The following ASB5 variants were observed in gnomAD, a reference collection of about 807,000 sequenced individuals.
ASB5 encodes the protein ankyrin repeat and SOCS box protein 5.
In ASB5, 45 loss-of-function variants were observed where a neutral mutation model predicts 42.1. The observed-to-expected ratio is 1.07, with a 90% CI of 0.84 to 1.37. The LOEUF (loss-of-function observed/expected upper bound fraction) is 1.37. Among genes scored for constraint, ASB5 ranks in the 40% most tolerant of loss-of-function variants. The pLI is 0.00. For missense variants in ASB5, 402 were observed against 399.8 expected, an observed-to-expected ratio of 1.01 and a Z score of -0.05; for synonymous variants, 147 against 150.6, an observed-to-expected ratio of 0.98 and a Z score of 0.18.
intron 1 of ASB5, among the ~76,000 whole-genome samples, chr4:176,267,489 T>C (rs867830457): frequency 5.9e-5 from 9 of 151,906 alleles, no homozygotes; most frequent in Non-Finnish European, 1.0e-4. Context: ...CCAGGCATGG[T>C]TGTGTGTCCT....
intron 1 of ASB5, among the ~76,000 whole-genome samples, chr4:176,249,262 T>C (rs906577698): frequency 2.6e-5 from 4 of 152,210 alleles, no homozygotes; most frequent in Admixed American, 2.6e-4. Context: ...CCACCGCATC[T>C]GCCCTATACA....
At chr4:176,237,664 C>G in intron 1 of ASB5, 1 of 786,766 alleles carries the variant, frequency 1.3e-6, no homozygotes. Context: ...ATTTTTAAAG[C>G]AGAGACATGC....
chr4:176,254,816 T>A lies in ASB5; in HGVS notation c.196+14097A>T, dbSNP rs555119491. Reference sequence around the variant, plus strand: ...ATGAAAAAATGCTCTACATCACTAATCACTGGAGAAATGCAAATCAAAACC... The same window carrying A: ...ATGAAAAAATGCTCTACATCACTAAACACTGGAGAAATGCAAATCAAAACC... On this transcript the variant is annotated intron_variant, in intron 1 of 6. Transcript: ENST00000296525. Among the ~76,000 whole-genome samples the A allele has an allele frequency of 3.3e-5, 5 of 152,216 alleles. No homozygotes were observed. The South Asian group carries it at 6.2e-4, about 19-fold the overall frequency.
intron 1 of ASB5, among the ~76,000 whole-genome samples, chr4:176,240,865 T>C (rs1753796538): frequency 6.6e-6 from 1 of 152,188 alleles, no homozygotes; most frequent in African/African-American, 2.4e-5. Context: ...TAATTGTTCC[T>C]CCATTGTCAG....
At chr4:176,271,913 C>T (rs878950974), upstream of ASB5, among the ~76,000 whole-genome samples, 5 of 152,004 alleles carry the variant, frequency 3.3e-5, no homozygotes, top group Admixed American at 1.3e-4. Context: ...TGAGCAAATA[C>T]GACTCATACA....
rs532636061 is a variant in ASB5, at chr4:176,225,045, T to C, written c.276+217A>G. Among the ~76,000 whole-genome samples, 5 of 152,312 alleles carry C rather than the reference T, an allele frequency of 3.3e-5. No individual in the cohort carries two copies. In the South Asian group the frequency reaches 1.0e-3, roughly 32 times the overall value. ...TCTATCGATGAACAAATATGCTGTC[T>C]GAGAAATCTGAAATACTAAGACATA... On this transcript the variant is annotated intron_variant, in intron 2 of 6. Coordinates refer to ENST00000296525, the MANE Select transcript of ASB5 (RefSeq NM_080874.4).
chr4:176,251,800 C>T (rs1439694891), intron 1 of ASB5, among the ~76,000 whole-genome samples: 1 of 151,434 alleles, frequency 6.6e-6, no homozygotes, highest in African/African-American at 2.4e-5. Context: ...AGCATGATTG[C>T]TCACGCCTAT....
intron 1 of ASB5, among the ~76,000 whole-genome samples, chr4:176,245,670 G>A (rs1579326598): frequency 6.6e-6 from 1 of 152,090 alleles, no homozygotes; most frequent in Non-Finnish European, 1.5e-5. Context: ...ATGACAGACT[G>A]GATTAAGAAA....
intron 2 of ASB5, among the ~76,000 whole-genome samples, chr4:176,275,536 C>T (rs78183221): frequency 0.032 from 4,832 of 152,286 alleles, 279 homozygotes; most frequent in East Asian, 0.28. Context: ...GTTCACCTTT[C>T]TCCAGCAGTT....
At chr4:176,252,783 T>A (rs750878674) in intron 1 of ASB5, among the ~76,000 whole-genome samples, 41 of 152,344 alleles carry the variant, frequency 2.7e-4, no homozygotes, top group Non-Finnish European at 5.3e-4. Context: ...GAATGCATGA[T>A]GTCAGAAGCA....
intron 5 of ASB5, among the ~76,000 whole-genome samples, chr4:176,218,220 T>TAC (rs1448290413): frequency 1.4e-4 from 7 of 49,508 alleles, no homozygotes; most frequent in East Asian, 3.9e-4. Flanking sequence ...ATTTGTATGA[T>TAC]ATAAATATAT....
At chr4:176,233,728 A>C (rs1321176322) in intron 1 of ASB5, among the ~76,000 whole-genome samples, 2 of 152,024 alleles carry the variant, frequency 1.3e-5, no homozygotes, top group Non-Finnish European at 2.9e-5. Context: ...TATCTACATT[A>C]ACTCTTGAGG....
At chr4:176,231,162 C>T (rs1326530902) in intron 1 of ASB5, among the ~76,000 whole-genome samples, 2 of 152,026 alleles carry the variant, frequency 1.3e-5, no homozygotes, top group Middle Eastern at 3.2e-3. Context: ...TGATACCATA[C>T]CTAAATCACC....
intron 1 of ASB5, among the ~76,000 whole-genome samples, chr4:176,248,231 G>A (rs1321940062): frequency 6.6e-6 from 1 of 152,098 alleles, no homozygotes; most frequent in Non-Finnish European, 1.5e-5. Context: ...AGGCTCTGGT[G>A]GGTCTCCCTC....
chr4:176,215,986 C>T (rs1056910243), intron 6 of ASB5, among the ~76,000 whole-genome samples: 1 of 151,848 alleles, frequency 6.6e-6, no homozygotes, highest in Admixed American at 6.6e-5. Context: ...GAATTTAAAG[C>T]CTCAGAAACA....
chr4:176,240,925 T>G (rs1009861007), intron 1 of ASB5, among the ~76,000 whole-genome samples: 1 of 152,152 alleles, frequency 6.6e-6, no homozygotes, highest in African/African-American at 2.4e-5. Context: ...GGGTTGGCAG[T>G]TTTCCCCATT....
chr4:176,228,279 C>G (rs1484951601), intron 1 of ASB5, among the ~76,000 whole-genome samples: 1 of 152,080 alleles, frequency 6.6e-6, no homozygotes, highest in East Asian at 1.9e-4. Context: ...CAGCAAATTT[C>G]TTCTGCTCCC....
intron 1 of ASB5, among the ~76,000 whole-genome samples, chr4:176,251,564 T>TAAAAAA (rs34392287): frequency 4.8e-4 from 5 of 10,376 alleles, no homozygotes; most frequent in African/African-American, 2.0e-3. Context: ...TCTGTCTCAT[T>TAAAAAA]AAAAAAAAAA....
chr4:176,227,074 A>G (rs1406511754), intron 1 of ASB5, among the ~76,000 whole-genome samples: 1 of 152,264 alleles, frequency 6.6e-6, no homozygotes, highest in Admixed American at 6.5e-5. Context: ...GGCAAAACAA[A>G]GAAGACAATG....
Sources: gnomAD v4.1 joint callset for allele counts (sites outside exome capture counted in the v4.1 genomes callset) on GRCh38, gnomAD v4.1.1 for gene constraint, MANE v1.5 for transcripts, NCBI Gene and HGNC (gene_info 2026-07-23, HGNC 2026-07-21) for gene names.